Variants in ZNF333 observed in about 807,000 individuals in gnomAD.
ZNF333 encodes the protein zinc finger protein 333.
Under a neutral mutation model 76.1 loss-of-function variants are expected in ZNF333, and 61 were observed. The ratio of observed to expected loss-of-function variants is 0.80; its 90% CI spans 0.65 to 0.99. The LOEUF (loss-of-function observed/expected upper bound fraction) is 0.99. Among genes scored for constraint, ZNF333 ranks in the 50% least tolerant of loss-of-function variants. ZNF333 has a pLI of 0.00. For missense variants in ZNF333, 717 were observed against 822.4 expected (o/e 0.87, Z 1.57); for synonymous variants, 284 against 305.0 (o/e 0.93, Z 0.72).
At chr19:14,703,079 C>T (rs1275520035) in intron 5 of ZNF333, among the ~76,000 whole-genome samples, 1 of 151,776 alleles carries the variant, frequency 6.6e-6, no homozygotes, top group Non-Finnish European at 1.5e-5. Context: ...TGGCGGGCGC[C>T]TGTAGTCCCA....
At chr19:14,718,195 G>A in intron 11 of ZNF333, 33 bp from the exon 12 acceptor site, 1 of 1,577,710 alleles carries the variant, frequency 6.3e-7, no homozygotes, top group Non-Finnish European at 8.6e-7. Flanking sequence ...ATCTAATAAG[G>A]CCTTTGGTCT....
At chr19:14,718,058 G>A (rs10419424) in intron 11 of ZNF333, among the ~76,000 whole-genome samples, 170 bp from the exon 12 acceptor site, 4,047 of 152,280 alleles carry the variant, frequency 0.027, 199 homozygotes, top group African/African-American at 0.091. Flanking sequence ...TTGCAACAGA[G>A]TATCCACCCT....
chr19:14,700,498 CT>C (rs1362653502), intron 5 of ZNF333: 3 of 152,252 alleles, frequency 2.0e-5, no homozygotes, highest in African/African-American at 4.8e-5. Context: ...TCCTTTTCTT[CT>C]TAGGAGACCA....
chr19:14,730,344 C>T (rs79600842), intron 11 of ZNF333, among the ~76,000 whole-genome samples: 35,829 of 152,034 alleles, frequency 0.24, 4,347 homozygotes, highest in Non-Finnish European at 0.26. Flanking sequence ...TGTGAACCAC[C>T]GTGCCCGGCC....
rs61995698 is a variant in ZNF333, at chr19:14,695,076, C to G, written c.70C>G (p.Arg24Gly). 8,420 of 1,614,072 alleles carry G rather than the reference C, an allele frequency of 5.2e-3. 35 individuals are homozygous for G. The highest frequency in any genetic ancestry group is 6.8e-3 in the Middle Eastern group (41 of 6,062). ...GGAGTGGGCATTGCTGGACAGCGCA[C>G]GGAGGAGCCTGTGCAAATACAGGAT... ...IQEWALLDSA[R>G]RSLCKYRMLD... is the part of the protein sequence containing the mutation. The change falls in exon 3 of 12, where the codon CGG (arginine) becomes GGG (glycine). Residue 24 changes from arginine to glycine, a missense_variant. Arg to Gly is a moderately radical substitution (Grantham distance 125, BLOSUM62 -2). Coordinates refer to ENST00000292530, the MANE Select transcript of ZNF333 (RefSeq NM_032433.4).
intron 11 of ZNF333, among the ~76,000 whole-genome samples, chr19:14,727,944 C>T (rs1009039851): frequency 2.0e-5 from 3 of 152,142 alleles, no homozygotes; most frequent in Admixed American, 6.5e-5. Flanking sequence ...TATATTTGGC[C>T]AGGTGCGGTG....
Position 14,718,941 on chromosome 19 carries a change from T to C in ZNF333, c.1614T>C (p.Thr538=), listed in dbSNP as rs758689365. 1 of 1,613,870 alleles carries C rather than the reference T, an allele frequency of 6.2e-7. No individual in the cohort carries two copies. Among genetic ancestry groups the C allele is most frequent in the African/African-American group, 1.3e-5 (1 of 74,934 alleles). ...HTGEKLYECA[T]CGQVLSRLST... ...GGGAGAAACTGTATGAGTGCGCGACTTGCGGTCAGGTCTTGAGTCGTCTTT... is the reference window on the plus strand; with the variant it reads ...GGGAGAAACTGTATGAGTGCGCGACCTGCGGTCAGGTCTTGAGTCGTCTTT... Residue 538 remains threonine (T), a synonymous_variant, in exon 12 of 12, where the codon ACT becomes ACC. Transcript: ENST00000292530.
chr19:14,728,820 C>T (rs2524364), intron 11 of ZNF333, among the ~76,000 whole-genome samples: 47,256 of 152,082 alleles, frequency 0.31, 7,478 homozygotes, highest in Middle Eastern at 0.37. Context: ...GTGCCACCCA[C>T]GTCAATCAAG....
chr19:14,730,351 G>A (rs770936111), intron 11 of ZNF333, among the ~76,000 whole-genome samples: 1 of 145,304 alleles, frequency 6.9e-6, no homozygotes, highest in East Asian at 2.0e-4. Flanking sequence ...CACCGTGCCC[G>A]GCCACTGTCT....
chr19:14,703,093 A>G (rs938092646), intron 5 of ZNF333, among the ~76,000 whole-genome samples: 5 of 151,260 alleles, frequency 3.3e-5, no homozygotes, highest in Admixed American at 2.0e-4. Flanking sequence ...AGTCCCAGCT[A>G]CTTGGGAGGC....
At chr19:14,702,242 A>T (rs1198400853) in intron 5 of ZNF333, among the ~76,000 whole-genome samples, 1 of 152,186 alleles carries the variant, frequency 6.6e-6, no homozygotes, top group Non-Finnish European at 1.5e-5. Context: ...GAAGCCAGGC[A>T]CAGGGCCTCA....
chr19:14,693,396 A>T, intron 1 of ZNF333, 55 bp from the exon 2 acceptor site: 1 of 1,415,922 alleles, frequency 7.1e-7, no homozygotes, highest in Non-Finnish European at 9.6e-7. Flanking sequence ...ATCCCCCAAA[A>T]TGCTCTGCTT....
intron 7 of ZNF333, among the ~76,000 whole-genome samples, chr19:14,713,346 T>C (rs1295969263): frequency 3.3e-5 from 5 of 152,200 alleles, no homozygotes; most frequent in African/African-American, 1.2e-4. Flanking sequence ...TTGGAAGCTC[T>C]GACCTCTGGA....
intron 7 of ZNF333, chr19:14,707,033 G>T: frequency 2.3e-6 from 1 of 428,424 alleles, no homozygotes; most frequent in Non-Finnish European, 4.1e-6. Context: ...TGAAATTCTT[G>T]ACTACACGAT....
rs1386471140 is a variant in ZNF333 at position 14,720,816 on chromosome 19, G to T, written c.*1491G>T. 1.0e-6 allele frequency: 1 copy of T among 978,600 alleles called. No individual in the cohort carries two copies. The highest frequency in any genetic ancestry group is 1.2e-6 in the Non-Finnish European group (1 of 823,988). 60.6% of individuals were successfully genotyped at this position (978,600 alleles called of 1,614,324 possible). ...TGTGATCTAGCATTTATTGAGAGAG[G>T]TATGTTAAACTCTCCCACCATGATT... is the stretch of plus-strand genomic sequence containing the variant. On this transcript the variant is annotated 3_prime_UTR_variant, in exon 12 of 12. Transcript: ENST00000292530.
downstream of ZNF333, among the ~76,000 whole-genome samples, chr19:14,726,636 G>A: frequency 6.6e-6 from 1 of 152,152 alleles, no homozygotes. Context: ...TCTCCCACCA[G>A]ACACTCTCTA....
At chr19:14,698,921 T>TAG (rs1254681388) in intron 4 of ZNF333, among the ~76,000 whole-genome samples, 21 of 81,634 alleles carry the variant, frequency 2.6e-4, no homozygotes, top group African/African-American at 8.5e-4. Context: ...TATATATATA[T>TAG]ATATATATAT....
At chr19:14,694,470 CAA>C (rs35588096) in intron 2 of ZNF333, among the ~76,000 whole-genome samples, 19,077 of 146,972 alleles carry the variant, frequency 0.13, 1,916 homozygotes, top group African/African-American at 0.28. Context: ...AAGACTGTCT[CAA>C]AAAAAAAAAA....
chr19:14,725,527 G>A (rs189576542), downstream of ZNF333, among the ~76,000 whole-genome samples: 201 of 152,180 alleles, frequency 1.3e-3, 2 homozygotes, highest in South Asian at 0.03. Context: ...TTCCTTCCCC[G>A]TGAGCCTGTG....
Sources: allele counts gnomAD v4.1 joint callset (sites outside exome capture counted in the v4.1 genomes callset), GRCh38; gene constraint gnomAD v4.1.1; transcripts MANE v1.5; gene names NCBI Gene and HGNC (gene_info 2026-07-23, HGNC 2026-07-21).